Variants in KCNJ5 observed in about 807,000 individuals in gnomAD.
KCNJ5 encodes the protein potassium inwardly rectifying channel subfamily J member 5.
Under a neutral mutation model 20.2 loss-of-function variants are expected in KCNJ5, and 12 were observed. The ratio of observed to expected loss-of-function variants is 0.59; its 90% confidence interval spans 0.38 to 0.96. KCNJ5 has a LOEUF of 0.96. Among genes scored for constraint, KCNJ5 ranks in the 40% least tolerant of loss-of-function variants. The pLI is 0.00. For synonymous variants in KCNJ5, 210 were observed against 213.9 expected (o/e 0.98, Z 0.16); for missense variants, 449 against 557.6 (o/e 0.81, Z 1.96).
In KCNJ5 at chr11:128,918,994, A is replaced by G. The variant is rs2604197; in HGVS notation, c.*2263A>G. The G allele has an allele frequency of 0.82, 124,804 of 151,684 alleles. 51,442 individuals are homozygous for G. The highest frequency in any genetic ancestry group is 0.9 in the East Asian group (4,610 of 5,128). 9.4% of individuals were successfully genotyped at this position (151,684 alleles called of 1,614,324 possible). ...AAAGGCAGCCCATCACTAAGGCTGG[A>G]TGCCTTTCAGCAGAGCTACAGCTGG... is the stretch of plus-strand genomic sequence containing the variant. On this transcript the variant is annotated 3_prime_UTR_variant, in exon 3 of 3. Transcript: ENST00000529694.
intron 1 of KCNJ5, among the ~76,000 whole-genome samples, chr11:128,895,159 C>T (rs1944153746): frequency 6.6e-6 from 1 of 152,086 alleles, no homozygotes; most frequent in Admixed American, 6.5e-5. Flanking sequence ...TCATTCTCAT[C>T]CCCTGTGACT....
rs1944622313 is a variant in KCNJ5 at position 128,918,466 on chromosome 11, C to T, written c.*1735C>T. 6.6e-6 allele frequency: 1 copy of T among 152,276 alleles called. No homozygotes were observed. The highest frequency in any genetic ancestry group is 6.5e-5 in the Admixed American group (1 of 15,282). The allele number at this position is 152,276 out of a possible 1,614,324, so 9.4% of individuals were successfully genotyped here. A position where few individuals can be genotyped will look rare whatever the true frequency, so the allele number is the denominator to read the frequency against. On this transcript the variant is annotated 3_prime_UTR_variant, in exon 3 of 3. Coordinates refer to ENST00000529694, the MANE Select transcript of KCNJ5 (RefSeq NM_000890.5). ...AATGTGTGTTGACACACACGGGCTT[C>T]GGGTTAGCTGGCCTGACATGGAGAT...
At chr11:128,905,137 C>T (rs113376410) in intron 1 of KCNJ5, among the ~76,000 whole-genome samples, 6,070 of 152,318 alleles carry the variant, frequency 0.04, 244 homozygotes, top group African/African-American at 0.096. Flanking sequence ...GGGCCGCTGG[C>T]CCGCCCTTCC....
intron 2 of KCNJ5, among the ~76,000 whole-genome samples, chr11:128,912,537 G>A (rs1229591513): frequency 6.6e-6 from 1 of 151,932 alleles, no homozygotes; most frequent in African/African-American, 2.4e-5. Context: ...TTGAGGCAGG[G>A]TCTTGCTCTG....
intron 2 of KCNJ5, among the ~76,000 whole-genome samples, chr11:128,913,582 C>T (rs73027233): frequency 3.7e-4 from 54 of 147,298 alleles, no homozygotes; most frequent in African/African-American, 7.3e-4. Context: ...CTCTCTCTCT[C>T]TTTTTTTTTT....
intron 1 of KCNJ5, among the ~76,000 whole-genome samples, chr11:128,897,058 T>C (rs2135983325): frequency 6.6e-6 from 1 of 151,998 alleles, no homozygotes; most frequent in East Asian, 1.9e-4. Context: ...TTGGGTTTCA[T>C]TTTGCATTTC....
Position 128,912,194 on chromosome 11 carries a change from G to C in KCNJ5, c.921G>C (p.Gly307=). ...EEFEVVVILE[G]MVEATGMTCQ... Reference sequence around the variant, plus strand: ...TTGAAGTTGTGGTCATTCTAGAAGGGATGGTGGAAGCCACAGGTAAGGCGC... The same window carrying C: ...TTGAAGTTGTGGTCATTCTAGAAGGCATGGTGGAAGCCACAGGTAAGGCGC... The change falls in exon 2 of 3, where the codon GGG becomes GGC. Residue 307 remains glycine (G), a synonymous_variant. Transcript: ENST00000529694. 1 of 1,603,126 alleles carries C rather than the reference G, an allele frequency of 6.2e-7. No homozygotes were observed. The highest frequency in any genetic ancestry group is 8.5e-7 in the Non-Finnish European group (1 of 1,179,912).
intron 2 of KCNJ5, among the ~76,000 whole-genome samples, 157 bp downstream of exon 2, chr11:128,912,367 C>G (rs1236737483): frequency 6.6e-6 from 1 of 152,184 alleles, no homozygotes; most frequent in Non-Finnish European, 1.5e-5. Flanking sequence ...GGTACTGGTA[C>G]TCAAGATTGA....
At chr11:128,892,673 A>C (rs965849553) in intron 1 of KCNJ5, among the ~76,000 whole-genome samples, 20 of 152,224 alleles carry the variant, frequency 1.3e-4, no homozygotes, top group Non-Finnish European at 2.4e-4. Context: ...TCAGGTGCAC[A>C]GCTCATAAAG....
chr11:128,894,114 C>A (rs919118229), intron 1 of KCNJ5, among the ~76,000 whole-genome samples: 1 of 151,982 alleles, frequency 6.6e-6, no homozygotes, highest in African/African-American at 2.4e-5. Flanking sequence ...TTCCTGCCTG[C>A]GGTGGGCGAA....
At chr11:128,894,246 T>C (rs1944137774) in intron 1 of KCNJ5, among the ~76,000 whole-genome samples, 1 of 152,146 alleles carries the variant, frequency 6.6e-6, no homozygotes, top group Non-Finnish European at 1.5e-5. Flanking sequence ...CCAGCAATCA[T>C]TAATTTTTGA....
chr11:128,896,192 T>C (rs1024743734), intron 1 of KCNJ5, among the ~76,000 whole-genome samples: 34 of 110,378 alleles, frequency 3.1e-4, no homozygotes, highest in Admixed American at 9.9e-4. Context: ...TCAATCTCTT[T>C]GTCTGCTGCA....
At chr11:128,895,020 G>T (rs1944150561) in intron 1 of KCNJ5, among the ~76,000 whole-genome samples, 1 of 152,090 alleles carries the variant, frequency 6.6e-6, no homozygotes, top group Non-Finnish European at 1.5e-5. Context: ...GTTGGCAGGT[G>T]GCAACGGCAC....
At chr11:128,893,702 G>C (rs199835135) in intron 1 of KCNJ5, among the ~76,000 whole-genome samples, 45,952 of 151,384 alleles carry the variant, frequency 0.3, 7,143 homozygotes, top group East Asian at 0.46. Context: ...AAGGGTGAGG[G>C]GGGGGGTCAA....
chr11:128,904,597 C>T (rs1477979477), intron 1 of KCNJ5: 1 of 835,046 alleles, frequency 1.2e-6, no homozygotes, highest in Non-Finnish European at 2.1e-6. Context: ...ACCGCGGACT[C>T]TGGAAACCCC....
chr11:128,901,591 A>AC (rs1335288432), intron 1 of KCNJ5: 10 of 152,400 alleles, frequency 6.6e-5, no homozygotes, highest in Admixed American at 3.9e-4. Flanking sequence ...AAAACGAGGG[A>AC]CACTGAGTGA....
intron 1 of KCNJ5, chr11:128,901,826 G>C (rs564100698): frequency 4.6e-5 from 7 of 152,466 alleles, no homozygotes; most frequent in African/African-American, 1.2e-4. Flanking sequence ...GAGATGCCTC[G>C]TCCGCCTTCC....
chr11:128,904,654 G>A (rs1432382387), intron 1 of KCNJ5: 1 of 669,406 alleles, frequency 1.5e-6, no homozygotes, highest in East Asian at 2.7e-5. Flanking sequence ...CCCCAGGAAG[G>A]GAAAGCACAG....
chr11:128,897,093 C>CTTT (rs35966521), intron 1 of KCNJ5, among the ~76,000 whole-genome samples: 325 of 100,082 alleles, frequency 3.2e-3, no homozygotes, highest in Non-Finnish European at 3.9e-3. Context: ...CCGTTTACCA[C>CTTT]TTTTTTTTTT....
Sources: gnomAD v4.1 joint callset for allele counts (sites outside exome capture counted in the v4.1 genomes callset) on GRCh38, gnomAD v4.1.1 for gene constraint, MANE v1.5 for transcripts, NCBI Gene and HGNC (gene_info 2026-07-23, HGNC 2026-07-21) for gene names.